GRIP2: variants seen among roughly 807,000 people sequenced by gnomAD.
GRIP2 encodes glutamate receptor-interacting protein 2.
A neutral mutation model predicts 108.3 loss-of-function variants in GRIP2; 58 were observed. The ratio of observed to expected loss-of-function variants is 0.54; its 90% CI spans 0.43 to 0.67. The LOEUF is 0.67. Among genes scored for constraint, GRIP2 ranks in the 30% least tolerant of loss-of-function variants. The pLI, the probability that GRIP2 is intolerant of heterozygous loss-of-function variation, is 0.00. For synonymous variants in GRIP2, 586 were observed against 598.2 expected, an observed-to-expected ratio of 0.98 and a Z score of 0.30; for missense variants, 1,278 against 1,430.6, an observed-to-expected ratio of 0.89 and a Z score of 1.72.
At chr3:14,504,532 G>T (rs1322522406) in intron 20 of GRIP2, among the ~76,000 whole-genome samples, 1 of 151,962 alleles carries the variant, frequency 6.6e-6, no homozygotes, top group Non-Finnish European at 1.5e-5. Context: ...GGATGGTCTC[G>T]ATCTCCCGAC....
At chr3:14,558,086 T>C (rs1695263994), upstream of GRIP2, among the ~76,000 whole-genome samples, 1 of 152,202 alleles carries the variant, frequency 6.6e-6, no homozygotes, top group African/African-American at 2.4e-5. Context: ...AAGTCAGGAA[T>C]CTGATGCGTT....
At position 14,507,571 on chromosome 3, in the gene GRIP2, C is replaced by T; in HGVS notation, c.2208G>A (p.Lys736=). ...AGETVTLKIK[K]QLDRPLLPRK... ...TGAAGCGAATCTCACGGTCTAGTTG[C>T]TTCTTGATCTTCAGTGTGACGGTCT... The change falls in exon 18 of 24, where the codon AAG becomes AAA. Residue 736 remains lysine (K), a synonymous_variant. Transcript: ENST00000621039. The surrounding 1 kb of genome is among the most constrained non-coding windows in gnomAD (Gnocchi z 4.6). The T allele has an allele frequency of 1.9e-6, 3 of 1,613,692 alleles. No homozygotes were observed. The highest frequency in any genetic ancestry group is 2.5e-6 in the Non-Finnish European group (3 of 1,179,564).
At chr3:14,551,787 C>T (rs895066643) in intron 1 of GRIP2, among the ~76,000 whole-genome samples, 6 of 152,170 alleles carry the variant, frequency 3.9e-5, no homozygotes, top group Non-Finnish European at 8.8e-5. Flanking sequence ...AGTCAGGCGG[C>T]CTGGGTAGGC....
At position 14,505,238 on chromosome 3, in the gene GRIP2, C is replaced by T. The variant is rs1453746672; in HGVS notation, c.2573+377G>A. On this transcript the variant is annotated intron_variant, in intron 20 of 23. Transcript: ENST00000621039. The surrounding 1 kb of genome is among the most constrained non-coding windows in gnomAD (Gnocchi z 4.2). ...CCAGCGGCTCAGCCACTCGGCACAG[C>T]CCAGGGATGGTGCCGGTGGGCTGAG... Among the ~76,000 whole-genome samples, 4 of 152,162 alleles carry T rather than the reference C, an allele frequency of 2.6e-5. No homozygotes were observed. Among genetic ancestry groups the T allele is most frequent in the African/African-American group, 9.7e-5 (4 of 41,434 alleles).
At chr3:14,580,346 T>C in the GRIP2 span, among the ~76,000 whole-genome samples, 1 of 152,216 alleles carries the variant, frequency 6.6e-6, no homozygotes, top group Non-Finnish European at 1.5e-5. Context: ...TTAAATTGCC[T>C]CATGGTGTTA....
Position 14,505,818 on chromosome 3 carries a change from C to T in GRIP2, c.2399-29G>A, listed in dbSNP as rs1441053899. 8.1e-6 allele frequency: 12 copies of T among 1,483,604 alleles called. No homozygotes were observed. The highest frequency in any genetic ancestry group is 1.1e-5 in the Non-Finnish European group (12 of 1,117,266). The allele number at this position is 1,483,604 out of a possible 1,614,324, so 91.9% of individuals were successfully genotyped here. A position where few individuals can be genotyped will look rare whatever the true frequency, so the allele number is the denominator to read the frequency against. ...GTGGTGGAGAGAGGGCCTCTGTGTTCCCTGCGGCCTCACCTTGCCCTCCTG... is the reference window on the plus strand; with the variant it reads ...GTGGTGGAGAGAGGGCCTCTGTGTTTCCTGCGGCCTCACCTTGCCCTCCTG... On this transcript the variant is annotated intron_variant, in intron 19 of 23. Transcript: ENST00000621039. The surrounding 1 kb of genome is among the most constrained non-coding windows in gnomAD (Gnocchi z 4.2).
Position 14,525,888 on chromosome 3 carries a change from G to A in GRIP2, c.84C>T (p.Ala28=), listed in dbSNP as rs577109522. ...GTCTGCGGCACGCCAGGGAAACGTC[G>A]GCCCCTCCTGCGTCCTTGCCTCCTT... is the stretch of plus-strand genomic sequence containing the variant. ...YSKGGKDAGG[A]DVSLACRRQS... The change falls in exon 2 of 24, where the codon GCC becomes GCT. Residue 28 remains alanine, a synonymous_variant. Transcript: ENST00000621039. 32 of 1,561,058 alleles carry A rather than the reference G, an allele frequency of 2.0e-5. No individual in the cohort carries two copies. The highest frequency in any genetic ancestry group is 3.4e-4 in the Middle Eastern group (2 of 5,968).
At chr3:14,595,900 A>G in the GRIP2 span, among the ~76,000 whole-genome samples, 3 of 152,092 alleles carry the variant, frequency 2.0e-5, no homozygotes, top group African/African-American at 7.2e-5. Context: ...TTCACCACTC[A>G]CCTAGTGAGC....
chr3:14,573,555 T>C, the GRIP2 span: 8 of 1,447,288 alleles, frequency 5.5e-6, no homozygotes, highest in Non-Finnish European at 7.8e-6. Context: ...CTCATGGAAA[T>C]AGCCCCTCAT....
chr3:14,506,578 T>A (rs1469242406), intron 19 of GRIP2, among the ~76,000 whole-genome samples: 3 of 152,194 alleles, frequency 2.0e-5, no homozygotes, highest in African/African-American at 7.2e-5. Flanking sequence ...GACCCATGGT[T>A]CTAAATCAAA....
chr3:14,594,309 C>T, the GRIP2 span, among the ~76,000 whole-genome samples: 1 of 152,238 alleles, frequency 6.6e-6, no homozygotes, highest in Non-Finnish European at 1.5e-5. Flanking sequence ...CCTGGCCCTC[C>T]CTCAGCCCTG....
chr3:14,568,463 T>C, the GRIP2 span, among the ~76,000 whole-genome samples: 3 of 152,200 alleles, frequency 2.0e-5, no homozygotes, highest in African/African-American at 7.2e-5. Flanking sequence ...TTAAGTCACC[T>C]GCCCAGTGTC....
At chr3:14,600,360 G>A in the GRIP2 span, among the ~76,000 whole-genome samples, 4 of 152,170 alleles carry the variant, frequency 2.6e-5, no homozygotes, top group Non-Finnish European at 4.4e-5. Flanking sequence ...ACCACCCCGC[G>A]AGGCTGCCCC....
At chr3:14,584,931 C>G in the GRIP2 span, among the ~76,000 whole-genome samples, 2 of 152,294 alleles carry the variant, frequency 1.3e-5, no homozygotes, top group East Asian at 3.9e-4. Flanking sequence ...TGATTTTCCC[C>G]AAGGGGCCAC....
the GRIP2 span, among the ~76,000 whole-genome samples, chr3:14,601,220 C>T: frequency 1.3e-5 from 2 of 152,228 alleles, no homozygotes; most frequent in South Asian, 4.1e-4. Context: ...TTTCATCCTT[C>T]CTAGGGCCCC....
rs758176052 is a variant in GRIP2 at position 14,507,619 on chromosome 3, G to T, written c.2160C>A (p.Ile720=). Residue 720 remains isoleucine (I), a synonymous_variant, in exon 18 of 24, where the codon ATC becomes ATA. Coordinates refer to ENST00000621039, the MANE Select transcript of GRIP2 (RefSeq NM_001080423.4). The surrounding 1 kb of genome is among the most constrained non-coding windows in gnomAD (Gnocchi z 4.6). The part of the protein sequence containing the change: ...SLKGRPLSEA[I]HLLQVAGETV... ...TCTCTCCAGCCACCTGCAGGAGGTG[G>T]ATGGCCTCGCTCAGCGGCCGGCCCT... 1 of 1,614,034 alleles carries T rather than the reference G, an allele frequency of 6.2e-7. No homozygotes were observed.
rs545698332 is a variant in GRIP2 at position 14,507,860 on chromosome 3, C to A, written c.2079-160G>T. Among the ~76,000 whole-genome samples the A allele has an allele frequency of 2.9e-4, 44 of 152,324 alleles. No individual in the cohort carries two copies. The highest frequency in any genetic ancestry group is 9.9e-4 in the African/African-American group (41 of 41,566). Reference sequence around the variant, plus strand: ...CAAAACAAAAGCACGCAAGTATGATCTTGGATCACATTAATAGAGACATAA... The same window carrying A: ...CAAAACAAAAGCACGCAAGTATGATATTGGATCACATTAATAGAGACATAA... On this transcript the variant is annotated intron_variant, in intron 17 of 23. Coordinates refer to ENST00000621039, the MANE Select transcript of GRIP2 (RefSeq NM_001080423.4). The surrounding 1 kb of genome is among the most constrained non-coding windows in gnomAD (Gnocchi z 4.6).
the GRIP2 span, among the ~76,000 whole-genome samples, chr3:14,571,765 T>C: frequency 6.6e-6 from 1 of 152,174 alleles, no homozygotes; most frequent in Non-Finnish European, 1.5e-5. Flanking sequence ...TGACTCAGAA[T>C]AACCTGGGCA....
At position 14,505,715 on chromosome 3, in the gene GRIP2, G is replaced by A. The variant is rs905642878; in HGVS notation, c.2473C>T (p.Pro825Ser). 1 of 1,591,696 alleles carries A rather than the reference G, an allele frequency of 6.3e-7. No individual in the cohort carries two copies. The highest frequency in any genetic ancestry group is 1.8e-5 in the Admixed American group (1 of 56,580). Residue 825 changes from proline (P) to serine (S), a missense_variant, in exon 20 of 24, where the codon CCC becomes TCC. Coordinates refer to ENST00000621039, the MANE Select transcript of GRIP2 (RefSeq NM_001080423.4). The surrounding 1 kb of genome is among the most constrained non-coding windows in gnomAD (Gnocchi z 4.2). ...GTCCTCCGGGGCTCGGTGGGTGGGGGGCTGCCCCTCAGCCAGCCAGGCCTC... is the reference window on the plus strand; with the variant it reads ...GTCCTCCGGGGCTCGGTGGGTGGGGAGCTGCCCCTCAGCCAGCCAGGCCTC... ...ERRPGWLRGS[P>S]PPTEPRRTSY...
Sources: gnomAD v4.1 joint callset for allele counts (sites outside exome capture counted in the v4.1 genomes callset) on GRCh38, gnomAD v4.1.1 for gene constraint, Gnocchi (gnomAD v3.1) non-coding constraint, MANE v1.5 for transcripts, NCBI Gene and HGNC (gene_info 2026-07-23, HGNC 2026-07-21) for gene names.